Variants in ZXDC observed in about 807,000 individuals in gnomAD.
ZXDC encodes zinc finger protein ZXDC.
A neutral mutation model predicts 63.6 loss-of-function variants in ZXDC; 58 were observed. That is an observed-to-expected ratio of 0.91 (90% CI 0.74 to 1.13). ZXDC has a LOEUF of 1.13. Ranked by LOEUF, ZXDC falls within the 50% of genes most tolerant of loss-of-function variation. The pLI is 0.00. For missense variants in ZXDC, 1,133 were observed against 1,148.9 expected, an observed-to-expected ratio of 0.99 and a Z score of 0.20; for synonymous variants, 561 against 496.1, an observed-to-expected ratio of 1.13 and a Z score of -1.74.
At chr3:126,456,423 A>T (rs1332799750) in intron 7 of ZXDC, among the ~76,000 whole-genome samples, 2 of 152,232 alleles carry the variant, frequency 1.3e-5, no homozygotes, top group Non-Finnish European at 2.9e-5. Context: ...CAGCCAATCC[A>T]CACAACTGAG....
chr3:126,452,367 A>G, intron 7 of ZXDC: 1 of 985,360 alleles, frequency 1.0e-6, no homozygotes, highest in Non-Finnish European at 1.2e-6. Context: ...TCTTTCCTTC[A>G]TCCCACGTCT....
chr3:126,453,362 A>G (rs886634201), intron 7 of ZXDC: 2 of 985,344 alleles, frequency 2.0e-6, no homozygotes, highest in African/African-American at 1.7e-5. Context: ...GCCCATACCA[A>G]AAGTTTTTCT....
intron 7 of ZXDC, among the ~76,000 whole-genome samples, chr3:126,449,265 TG>T (rs1934003488): frequency 6.6e-6 from 1 of 152,242 alleles, no homozygotes; most frequent in Non-Finnish European, 1.5e-5. Flanking sequence ...CTCACTATGT[TG>T]CCCAGGCTGG....
At chr3:126,457,619 C>A (rs887144280) in intron 7 of ZXDC, 2 of 985,404 alleles carry the variant, frequency 2.0e-6, no homozygotes, top group Non-Finnish European at 2.4e-6. Flanking sequence ...CTGCAGGATG[C>A]TAAGAAACTC....
chr3:126,460,405 A>C, intron 6 of ZXDC: 1 of 911,476 alleles, frequency 1.1e-6, no homozygotes, highest in Non-Finnish European at 1.3e-6. Flanking sequence ...CACCATTTGT[A>C]CTCAGAGAAG....
chr3:126,458,654 A>C (rs1934403444), intron 7 of ZXDC: 11 of 985,446 alleles, frequency 1.1e-5, no homozygotes, highest in Non-Finnish European at 7.2e-6. Context: ...CACGTGTTAT[A>C]TACTTGAATG....
chr3:126,452,154 C>A, intron 7 of ZXDC: 1 of 985,436 alleles, frequency 1.0e-6, no homozygotes, highest in South Asian at 4.7e-5. Flanking sequence ...GGGCTCCTGG[C>A]TCTGCCACGC....
At chr3:126,460,648 C>T (rs2107646685) in intron 6 of ZXDC, 1 of 985,282 alleles carries the variant, frequency 1.0e-6, no homozygotes, top group Non-Finnish European at 1.2e-6. Flanking sequence ...CTACTATGGC[C>T]GCCTAAGCAA....
chr3:126,468,217 G>A (rs115474367), intron 4 of ZXDC, among the ~76,000 whole-genome samples: 1 of 152,168 alleles, frequency 6.6e-6, no homozygotes, highest in African/African-American at 2.4e-5. Context: ...ACGAGACACA[G>A]GCCCCAGCAC....
At chr3:126,472,112 A>G (rs1935001569) in intron 2 of ZXDC, 41 bp downstream of exon 2, 1 of 1,608,968 alleles carries the variant, frequency 6.2e-7, no homozygotes, top group Non-Finnish European at 8.5e-7. Flanking sequence ...CGATGAAGAC[A>G]AATCTTGGGT....
chr3:126,444,686 T>C (rs1933816251), intron 7 of ZXDC, among the ~76,000 whole-genome samples: 1 of 152,224 alleles, frequency 6.6e-6, no homozygotes, highest in Non-Finnish European at 1.5e-5. Context: ...ATAAACAAGA[T>C]AAAACTGAGC....
chr3:126,466,642 T>C (rs556207399), intron 4 of ZXDC, among the ~76,000 whole-genome samples: 1 of 152,364 alleles, frequency 6.6e-6, no homozygotes, highest in South Asian at 2.1e-4. Flanking sequence ...AAATTAAGTA[T>C]TAACTGCTTA....
At chr3:126,438,593 C>T in intron 9 of ZXDC, 132 bp from the exon 10 acceptor site, 2 of 704,770 alleles carry the variant, frequency 2.8e-6, no homozygotes, top group East Asian at 2.7e-5. Flanking sequence ...ACTACAGGCT[C>T]CCCTTATTCT....
chr3:126,471,310 G>C (rs987073139), intron 3 of ZXDC, among the ~76,000 whole-genome samples: 2 of 152,222 alleles, frequency 1.3e-5, no homozygotes, highest in African/African-American at 4.8e-5. Context: ...AGTCCCAAAT[G>C]TATTGATGAA....
At chr3:126,464,191 A>C (rs796690059) in intron 5 of ZXDC, among the ~76,000 whole-genome samples, 5 of 152,384 alleles carry the variant, frequency 3.3e-5, no homozygotes, top group African/African-American at 1.2e-4. Context: ...ATTTACTACC[A>C]GAGACCAGAC....
intron 3 of ZXDC, among the ~76,000 whole-genome samples, chr3:126,471,409 A>G (rs1395816671): frequency 6.6e-6 from 1 of 152,244 alleles, no homozygotes; most frequent in Non-Finnish European, 1.5e-5. Context: ...CATCAGCTGC[A>G]ATGCCAAAAG....
At chr3:126,458,892 GA>G (rs1393446352) in intron 7 of ZXDC, 1 of 985,204 alleles carries the variant, frequency 1.0e-6, no homozygotes, top group African/African-American at 1.7e-5. Context: ...CTGGCTTTAA[GA>G]AAACTGATTA....
intron 7 of ZXDC, among the ~76,000 whole-genome samples, chr3:126,443,645 G>A (rs760429645): frequency 1.4e-4 from 21 of 151,862 alleles, no homozygotes; most frequent in Non-Finnish European, 1.9e-4. Context: ...AAAATGAAGC[G>A]TGCCTATATC....
Position 126,473,399 on chromosome 3 carries a change from C to A in ZXDC, c.908-1094G>T, listed in dbSNP as rs564604699. Among the ~76,000 whole-genome samples the A allele has an allele frequency of 2.0e-5, 3 of 152,342 alleles. No homozygotes were observed. The South Asian group carries it at 6.2e-4, about 32-fold the overall frequency. On this transcript the variant is annotated intron_variant, in intron 1 of 9. Coordinates refer to ENST00000389709, the MANE Select transcript of ZXDC (RefSeq NM_025112.5). ...CTTTGATGATGCTTCCCTGGTCCTG[C>A]TCCTGCTTCTAAACATCTAATCTCA...
Sources: allele counts gnomAD v4.1 joint callset (sites outside exome capture counted in the v4.1 genomes callset), GRCh38; gene constraint gnomAD v4.1.1; transcripts MANE v1.5; gene names NCBI Gene and HGNC (gene_info 2026-07-23, HGNC 2026-07-21).